KANSL2: variants seen among roughly 807,000 people sequenced by gnomAD.
KANSL2 encodes KAT8 regulatory NSL complex subunit 2, also known as NSL complex protein NSL2.
In KANSL2, 34 loss-of-function variants were observed where a neutral mutation model predicts 55.6. The observed-to-expected ratio is 0.61, with a 90% CI of 0.46 to 0.81. The LOEUF is 0.81. KANSL2 is among the 40% of genes least tolerant of loss of function. The pLI is 0.00. For missense variants in KANSL2, 502 were observed against 609.9 expected, an observed-to-expected ratio of 0.82 and a Z score of 1.86; for synonymous variants, 209 against 214.3, an observed-to-expected ratio of 0.98 and a Z score of 0.22.
chr12:48,656,843 C>A, intron 8 of KANSL2: 1 of 450,360 alleles, frequency 2.2e-6, no homozygotes, highest in Non-Finnish European at 4.4e-6. Context: ...TTTCAAGAGT[C>A]TGGTGCTAAA....
intron 2 of KANSL2, among the ~76,000 whole-genome samples, chr12:48,680,641 A>G (rs901138387): frequency 2.0e-5 from 3 of 152,174 alleles, no homozygotes; most frequent in Non-Finnish European, 4.4e-5. Flanking sequence ...ATTTAACAAA[A>G]TTCATGGACA....
At chr12:48,669,545 T>G (rs1939667841) in intron 5 of KANSL2, among the ~76,000 whole-genome samples, 1 of 151,684 alleles carries the variant, frequency 6.6e-6, no homozygotes, top group African/African-American at 2.4e-5. Flanking sequence ...TGAGGCACAG[T>G]CTCGCTCTGT....
intron 2 of KANSL2, 74 bp downstream of exon 2, chr12:48,681,308 T>C: frequency 6.7e-7 from 1 of 1,496,572 alleles, no homozygotes; most frequent in Non-Finnish European, 9.0e-7. Context: ...ACGCGGCAGC[T>C]ATGCTGAAGC....
intron 5 of KANSL2, among the ~76,000 whole-genome samples, chr12:48,670,325 TAAAA>T (rs1014366222): frequency 6.8e-6 from 1 of 147,866 alleles, no homozygotes; most frequent in South Asian, 2.1e-4. Context: ...CTCTATTTAT[TAAAA>T]AAAAAAAGTT....
In KANSL2 at chr12:48,682,061, G is replaced by T. The variant is rs75536503; in HGVS notation, c.-10+126C>A. On this transcript the variant is annotated intron_variant, in intron 1 of 9. Transcript: ENST00000420613. The stretch of plus-strand genomic sequence containing the variant: ...CAGTCACCGGAGATCCTGGCTCCTG[G>T]AAGCCTGCAGGAAGGAGACTGACTC... The T allele has an allele frequency of 3.2e-3, 2,254 of 703,038 alleles. 36 individuals are homozygous for T. The African/African-American group carries it at 0.036, about 11-fold the overall frequency. 43.5% of individuals were successfully genotyped at this position (703,038 alleles called of 1,614,324 possible). A position where few individuals can be genotyped will look rare whatever the true frequency, so the allele number is the denominator to read the frequency against.
In KANSL2 at chr12:48,678,946, C is replaced by G. The variant is rs74088111; in HGVS notation, c.545+90G>C. The stretch of plus-strand genomic sequence containing the variant: ...TGCTGACAAATAGCTGTCTTCAACC[C>G]TCCTAGGTTACTAATTTATTAACAG... On this transcript the variant is annotated intron_variant, in intron 4 of 9. Coordinates refer to ENST00000420613, the MANE Select transcript of KANSL2 (RefSeq NM_017822.4). 1.6e-3 allele frequency: 1,427 copies of G among 895,718 alleles called. 14 individuals carry two copies. In the African/African-American group the frequency reaches 0.02, roughly 13 times the overall value. The allele number at this position is 895,718 out of a possible 1,614,324, so 55.5% of individuals were successfully genotyped here. A position where few individuals can be genotyped will look rare whatever the true frequency, so the allele number is the denominator to read the frequency against.
rs1057233108 is a variant in KANSL2 at position 48,681,118 on chromosome 12, T to TAA, written c.251+262_251+263dup. On this transcript the variant is annotated intron_variant, in intron 2 of 9. Coordinates refer to ENST00000420613, the MANE Select transcript of KANSL2 (RefSeq NM_017822.4). ...CAAAATAGCAAGACCCCATCTCTCT[T>TAA]AAAAAAAAAAAAAAAAAAAAAAAGA... 1,003 of 131,236 alleles carry TAA rather than the reference T, an allele frequency of 7.6e-3. 17 individuals are homozygous for TAA. The highest frequency in any genetic ancestry group is 0.028 in the African/African-American group (751 of 26,684). 8.1% of individuals were successfully genotyped at this position (131,236 alleles called of 1,614,324 possible). A position where few individuals can be genotyped will look rare whatever the true frequency, so the allele number is the denominator to read the frequency against.
At chr12:48,658,942 T>C (rs936687700) in intron 8 of KANSL2, among the ~76,000 whole-genome samples, 1 of 152,194 alleles carries the variant, frequency 6.6e-6, no homozygotes, top group Non-Finnish European at 1.5e-5. Context: ...GCTGTGTTTT[T>C]ACTCATATTA....
intron 2 of KANSL2, chr12:48,681,126 A>G (rs2137208604): frequency 7.1e-6 from 2 of 280,274 alleles, no homozygotes; most frequent in East Asian, 1.5e-4. Context: ...CTTAAAAAAA[A>G]AAAAAAAAAA....
chr12:48,666,922 T>TG (rs1812803168), intron 7 of KANSL2, among the ~76,000 whole-genome samples: 1 of 151,868 alleles, frequency 6.6e-6, no homozygotes, highest in Admixed American at 6.6e-5. Flanking sequence ...GGCTTACTCC[T>TG]GTAATCCCAG....
intron 7 of KANSL2, among the ~76,000 whole-genome samples, chr12:48,661,902 T>C (rs996481727): frequency 2.6e-5 from 4 of 152,130 alleles, no homozygotes; most frequent in African/African-American, 7.2e-5. Flanking sequence ...GAAAACAAAA[T>C]GGCCCCCAGT....
At chr12:48,659,085 G>C (rs970542168) in intron 8 of KANSL2, among the ~76,000 whole-genome samples, 2 of 149,438 alleles carry the variant, frequency 1.3e-5, no homozygotes, top group African/African-American at 4.9e-5. Context: ...CTTGAGGCCA[G>C]GAGTTAGAGA....
At chr12:48,679,632 A>G in intron 3 of KANSL2, 23 bp downstream of exon 3, 1 of 1,600,434 alleles carries the variant, frequency 6.2e-7, no homozygotes, top group Non-Finnish European at 8.5e-7. Flanking sequence ...CTCCTTTTTC[A>G]TTCCAGGAGA....
chr12:48,659,000 T>C (rs1939441678), intron 8 of KANSL2, among the ~76,000 whole-genome samples: 1 of 152,138 alleles, frequency 6.6e-6, no homozygotes, highest in Non-Finnish European at 1.5e-5. Flanking sequence ...AAAGTTATCA[T>C]TAACAGTTAT....
intron 7 of KANSL2, among the ~76,000 whole-genome samples, chr12:48,665,073 A>G (rs947577414): frequency 2.0e-5 from 3 of 151,932 alleles, no homozygotes; most frequent in Non-Finnish European, 4.4e-5. Flanking sequence ...ATGAGGTCTT[A>G]CTGTATTGTC....
In KANSL2 at chr12:48,682,003, A is replaced by G. The variant is rs1005386606; in HGVS notation, c.-10+184T>C. On this transcript the variant is annotated intron_variant, in intron 1 of 9. Coordinates refer to ENST00000420613, the MANE Select transcript of KANSL2 (RefSeq NM_017822.4). Reference sequence around the variant, plus strand: ...GCGCACGACTGGGCCTGGCCTCGGAAGCCTATGCGAGCGCCATTTTGTCCT... The same window carrying G: ...GCGCACGACTGGGCCTGGCCTCGGAGGCCTATGCGAGCGCCATTTTGTCCT... The G allele has an allele frequency of 1.0e-5, 7 of 702,884 alleles. No homozygotes were observed. The African/African-American group carries it at 1.2e-4, about 12-fold the overall frequency. 43.5% of individuals were successfully genotyped at this position (702,884 alleles called of 1,614,324 possible).
At position 48,669,152 on chromosome 12, in the gene KANSL2, T is replaced by C. The variant is rs1215617579; in HGVS notation, c.830A>G (p.Gln277Arg). The part of the protein sequence containing the change: ...RYGVEALLHR[Q>R]LKERRMLATD... ...GGCCAGCATTCTCCGTTCCTTCAACTGCCTATGCAGTAAGGCTTCCACTCC... is the reference window on the plus strand; with the variant it reads ...GGCCAGCATTCTCCGTTCCTTCAACCGCCTATGCAGTAAGGCTTCCACTCC... Residue 277 changes from glutamine (Q) to arginine (R), a missense_variant, in exon 6 of 10, where the codon CAG becomes CGG. Gln to Arg is a conservative substitution (Grantham distance 43, BLOSUM62 1). Coordinates refer to ENST00000420613, the MANE Select transcript of KANSL2 (RefSeq NM_017822.4). 1 of 1,551,092 alleles carries C rather than the reference T, an allele frequency of 6.4e-7. No homozygotes were observed. Among genetic ancestry groups the C allele is most frequent in the African/African-American group, 1.4e-5 (1 of 73,030 alleles).
chr12:48,654,423 C>T (rs761883901), intron 9 of KANSL2: 2 of 727,692 alleles, frequency 2.7e-6, no homozygotes, highest in East Asian at 2.8e-5. Flanking sequence ...CTACTGAGGT[C>T]CCAGAACAGC....
At position 48,679,833 on chromosome 12, in the gene KANSL2, C is replaced by T. The variant is rs1401324708; in HGVS notation, c.252G>A (p.Gly84=). ...NAAPKPEKKD[G]VSFCAEHVRR... ...GGACATGTTCAGCACAGAAGGACACCCTGAAGAGACAAAACATTAATATTT... is the reference window on the plus strand; with the variant it reads ...GGACATGTTCAGCACAGAAGGACACTCTGAAGAGACAAAACATTAATATTT... Residue 84 remains glycine (G), a splice_region_variant and synonymous_variant, in exon 3 of 10, where the codon GGG becomes GGA. Transcript: ENST00000420613. The T allele has an allele frequency of 2.5e-6, 4 of 1,591,452 alleles. No individual in the cohort carries two copies. The Admixed American group carries it at 7.2e-5, about 29-fold the overall frequency.
Sources: gnomAD v4.1 joint callset for allele counts (sites outside exome capture counted in the v4.1 genomes callset) on GRCh38, gnomAD v4.1.1 for gene constraint, MANE v1.5 for transcripts, NCBI Gene and HGNC (gene_info 2026-07-23, HGNC 2026-07-21) for gene names.